The following ANKRD11 variants were observed in gnomAD, a reference collection of about 807,000 sequenced individuals.
ANKRD11 encodes the protein ankyrin repeat domain-containing protein 11.
ANKRD11 carries 17 observed loss-of-function variants against 195.7 expected under a neutral mutation model. The observed-to-expected ratio is 0.09, with a 90% CI of 0.06 to 0.13. The LOEUF (loss-of-function observed/expected upper bound fraction) is 0.13. Ranked by LOEUF, ANKRD11 falls within the 10% of genes least tolerant of loss-of-function variation. The probability of loss-of-function intolerance (pLI) is 1.00; values close to 1 mark genes in which losing one functional copy is unlikely to be tolerated. For missense variants in ANKRD11, 3,735 were observed against 3,566.1 expected, an observed-to-expected ratio of 1.05 and a Z score of -1.21; for synonymous variants, 1,953 against 1,528.1, an observed-to-expected ratio of 1.28 and a Z score of -6.49.
intron 2 of ANKRD11, among the ~76,000 whole-genome samples, chr16:89,410,629 C>G (rs529100080): frequency 6.6e-6 from 1 of 152,340 alleles, no homozygotes; most frequent in East Asian, 1.9e-4. Flanking sequence ...TGCTGACGTG[C>G]TGACACCATC....
At chr16:89,329,824 C>T (rs2037950449) in intron 2 of ANKRD11, among the ~76,000 whole-genome samples, 1 of 152,038 alleles carries the variant, frequency 6.6e-6, no homozygotes, top group African/African-American at 2.4e-5. Flanking sequence ...GCCTGGCCAA[C>T]ATGGTGAAAC....
At chr16:89,474,988 C>G (rs1322977344) in intron 1 of ANKRD11, among the ~76,000 whole-genome samples, 1 of 152,256 alleles carries the variant, frequency 6.6e-6, no homozygotes, top group African/African-American at 2.4e-5. Flanking sequence ...AGGGCCACCC[C>G]TGCCCTCTCC....
At chr16:89,287,982 T>C (rs985094683) in intron 7 of ANKRD11, 26 of 478,428 alleles carry the variant, frequency 5.4e-5, no homozygotes, top group Non-Finnish European at 7.3e-6. Flanking sequence ...GCAGCACCCC[T>C]GCTTTCCGGC....
chr16:89,432,148 C>T (rs1469581331), intron 1 of ANKRD11, among the ~76,000 whole-genome samples: 3 of 152,074 alleles, frequency 2.0e-5, no homozygotes, highest in Admixed American at 2.0e-4. Flanking sequence ...GAATTTGCCA[C>T]ATCTGGTCAC....
rs1005778062 is a variant in ANKRD11, at chr16:89,285,937, C to T, written c.892+102G>A. 127 of 1,575,248 alleles carry T rather than the reference C, an allele frequency of 8.1e-5. 1 individual carries two copies. Among genetic ancestry groups the T allele is most frequent in the South Asian group, 2.0e-4 (18 of 89,750 alleles). On this transcript the variant is annotated intron_variant, in intron 8 of 12. Coordinates refer to ENST00000301030, the MANE Select transcript of ANKRD11 (RefSeq NM_013275.6). The surrounding 1 kb of genome is among the most constrained non-coding windows in gnomAD (Gnocchi z 5.6). Reference sequence around the variant, plus strand: ...GAAGCTCCTGTAAGCCCCCAGCATCCGAGGAGGAGCTGATCAGAGGGGCAA... The same window carrying T: ...GAAGCTCCTGTAAGCCCCCAGCATCTGAGGAGGAGCTGATCAGAGGGGCAA...
At chr16:89,479,402 GCA>G in intron 1 of ANKRD11, among the ~76,000 whole-genome samples, 1 of 151,946 alleles carries the variant, frequency 6.6e-6, no homozygotes, top group Non-Finnish European at 1.5e-5. Context: ...GGAGGCCGAG[GCA>G]GGCGGATCAT....
At chr16:89,353,948 A>C (rs2035481) in intron 2 of ANKRD11, among the ~76,000 whole-genome samples, 83,507 of 152,042 alleles carry the variant, frequency 0.55, 23,372 homozygotes, top group African/African-American at 0.66. Context: ...GCGGGCAGAG[A>C]TGGAGACATA....
chr16:89,324,449 C>T (rs1328356405), intron 2 of ANKRD11: 2 of 460,678 alleles, frequency 4.3e-6, no homozygotes, highest in Admixed American at 4.7e-5. Context: ...GTGAGGGTTA[C>T]TACTGAGTTT....
chr16:89,376,627 G>A (rs1245700433), intron 2 of ANKRD11, among the ~76,000 whole-genome samples: 12 of 152,072 alleles, frequency 7.9e-5, no homozygotes, highest in Middle Eastern at 6.8e-3. Context: ...TAGCAGAGAC[G>A]AGGGTTTCAC....
rs752390587 is a variant in ANKRD11, at chr16:89,282,407, C to T, written c.4135G>A (p.Asp1379Asn). 4.3e-6 allele frequency: 7 copies of T among 1,614,176 alleles called. No homozygotes were observed. Among genetic ancestry groups the T allele is most frequent in the Non-Finnish European group, 5.9e-6 (7 of 1,180,028 alleles). The change falls in exon 9 of 13, where the codon GAT becomes AAT. Residue 1379 changes from aspartate (D) to asparagine (N), a missense_variant. Coordinates refer to ENST00000301030, the MANE Select transcript of ANKRD11 (RefSeq NM_013275.6). ...TTCCTGCTACCGCCCTCCTTGTAAT[C>T]TTCGCCCTTCTCTTTCTTCTCGGCC... Reference protein sequence around the residue: ...EKAEKKEKGEDYKEGGSRKDS... With the variant: ...EKAEKKEKGENYKEGGSRKDS...
intron 2 of ANKRD11, among the ~76,000 whole-genome samples, chr16:89,336,067 T>G (rs1412238428): frequency 6.6e-6 from 1 of 152,212 alleles, no homozygotes; most frequent in Non-Finnish European, 1.5e-5. Flanking sequence ...TTCCTGCCAG[T>G]TGGTTTGAAA....
chr16:89,379,477 C>G (rs1034003212), intron 2 of ANKRD11, among the ~76,000 whole-genome samples: 3 of 152,334 alleles, frequency 2.0e-5, no homozygotes, highest in Non-Finnish European at 4.4e-5. Context: ...CTCTGCTTTC[C>G]AGGAGTCCAA....
chr16:89,288,674 G>C lies in ANKRD11; in HGVS notation c.602-4C>G, dbSNP rs747377912. The C allele has an allele frequency of 5.0e-6, 8 of 1,614,036 alleles. No homozygotes were observed. Among genetic ancestry groups the C allele is most frequent in the Non-Finnish European group, 5.9e-6 (7 of 1,180,038 alleles). On this transcript the variant is annotated splice_region_variant and splice_polypyrimidine_tract_variant and intron_variant, in intron 6 of 12. Coordinates refer to ENST00000301030, the MANE Select transcript of ANKRD11 (RefSeq NM_013275.6). The stretch of plus-strand genomic sequence containing the variant: ...GCCTCGTGCAGCGCCGTCCAGCCTG[G>C]AAACAGACACTCAGGACGTACGTTA...
intron 1 of ANKRD11, chr16:89,459,087 TG>T: frequency 5.1e-6 from 1 of 194,194 alleles, no homozygotes; most frequent in Non-Finnish European, 1.1e-5. Context: ...ACATGGGAAA[TG>T]GATCAGACAA....
chr16:89,407,586 C>A (rs181861806), intron 2 of ANKRD11, among the ~76,000 whole-genome samples: 144 of 152,254 alleles, frequency 9.5e-4, no homozygotes, highest in Middle Eastern at 3.4e-3. Context: ...TTTGGGAGGC[C>A]GAGGCAGGTG....
At position 89,280,408 on chromosome 16, in the gene ANKRD11, G is replaced by T; in HGVS notation, c.6134C>A (p.Pro2045His). 1 of 1,562,550 alleles carries T rather than the reference G, an allele frequency of 6.4e-7. No individual in the cohort carries two copies. Among genetic ancestry groups the T allele is most frequent in the Non-Finnish European group, 8.7e-7 (1 of 1,154,584 alleles). The part of the protein sequence containing the change: ...EDVKDGVDAV[P>H]AAISTSEAAP... ...CGCCTCTGAGGTGGAGATGGCGGCG[G>T]GGACGGCGTCCACTCCGTCCTTGAC... Residue 2045 changes from proline to histidine, a missense_variant, in exon 9 of 13, where the codon CCC (proline) becomes CAC (histidine). Coordinates refer to ENST00000301030, the MANE Select transcript of ANKRD11 (RefSeq NM_013275.6).
chr16:89,356,088 TACAAGAAAGAATCTGGAAA>T (rs1567693516), intron 2 of ANKRD11, among the ~76,000 whole-genome samples: 1 of 152,104 alleles, frequency 6.6e-6, no homozygotes, highest in Non-Finnish European at 1.5e-5. Context: ...TCAAAACAAA[TACAAGAAAGAATCTGGAAA>T]ACCTTAGTTA....
intron 2 of ANKRD11, among the ~76,000 whole-genome samples, chr16:89,337,791 G>GA (rs747007274): frequency 3.3e-5 from 5 of 152,138 alleles, no homozygotes; most frequent in Non-Finnish European, 7.4e-5. Context: ...TTCCTAGGTG[G>GA]AAAGCAAGTT....
chr16:89,331,320 A>T (rs1439346959), intron 2 of ANKRD11, among the ~76,000 whole-genome samples: 1 of 152,212 alleles, frequency 6.6e-6, no homozygotes, highest in Non-Finnish European at 1.5e-5. Flanking sequence ...GCTAATAGAA[A>T]ATTTAAAATT....
Sources: gnomAD v4.1 joint callset for allele counts (sites outside exome capture counted in the v4.1 genomes callset) on GRCh38, gnomAD v4.1.1 for gene constraint, Gnocchi (gnomAD v3.1) non-coding constraint, MANE v1.5 for transcripts, NCBI Gene and HGNC (gene_info 2026-07-23, HGNC 2026-07-21) for gene names.